Variants in GABRG3 observed in about 807,000 individuals in gnomAD.
GABRG3 encodes gamma-aminobutyric acid type A receptor subunit gamma3, also known as gamma-aminobutyric acid receptor subunit gamma-3.
In GABRG3, 25 loss-of-function variants were observed where a neutral mutation model predicts 48.8. The observed-to-expected ratio is 0.51, with a 90% CI of 0.37 to 0.72. GABRG3 has a LOEUF of 0.72. Among genes scored for constraint, GABRG3 ranks in the 30% least tolerant of loss-of-function variants. The probability of loss-of-function intolerance (pLI) is 0.00; values close to 1 mark genes in which losing one functional copy is unlikely to be tolerated. For missense variants in GABRG3, 394 were observed against 577.9 expected, an observed-to-expected ratio of 0.68 and a Z score of 3.26; for synonymous variants, 227 against 217.6, an observed-to-expected ratio of 1.04 and a Z score of -0.38.
At chr15:27,168,110 C>G (rs1887440125) in intron 3 of GABRG3, among the ~76,000 whole-genome samples, 1 of 151,430 alleles carries the variant, frequency 6.6e-6, no homozygotes, top group South Asian at 2.1e-4. Context: ...TGAGTGATCT[C>G]TGAGACCTTT....
intron 5 of GABRG3, among the ~76,000 whole-genome samples, chr15:27,368,484 T>C (rs999820361): frequency 2.6e-5 from 4 of 152,218 alleles, no homozygotes; most frequent in Non-Finnish European, 5.9e-5. Flanking sequence ...TTGCATAGCA[T>C]GAATAATTAT....
chr15:27,038,076 G>A (rs1464760130), intron 3 of GABRG3, among the ~76,000 whole-genome samples: 3 of 152,100 alleles, frequency 2.0e-5, no homozygotes, highest in Admixed American at 6.5e-5. Context: ...TCGGGTCCTG[G>A]TCCATGCTCC....
rs949427996 is a variant in GABRG3 at position 27,059,715 on chromosome 15, G to T, written c.270+32894G>T. On this transcript the variant is annotated intron_variant, in intron 3 of 9. Coordinates refer to ENST00000615808, the MANE Select transcript of GABRG3 (RefSeq NM_033223.5). ...AAGGCGAGTGATGCAGAGTGAAAGG[G>T]TTTCCTGCCATGGGCATAGGTCTGG... Among the ~76,000 whole-genome samples, 15 of 152,332 alleles carry T rather than the reference G, an allele frequency of 9.8e-5. No individual in the cohort carries two copies. The South Asian group carries it at 2.7e-3, about 27-fold the overall frequency.
At chr15:27,310,501 T>A (rs1892959792) in intron 3 of GABRG3, among the ~76,000 whole-genome samples, 1 of 152,130 alleles carries the variant, frequency 6.6e-6, no homozygotes, top group Admixed American at 6.6e-5. Flanking sequence ...TCAGCATATC[T>A]ACATTTATGG....
At chr15:27,293,901 A>C (rs1018046825) in intron 3 of GABRG3, among the ~76,000 whole-genome samples, 1 of 152,192 alleles carries the variant, frequency 6.6e-6, no homozygotes, top group Non-Finnish European at 1.5e-5. Context: ...TACATTCTCA[A>C]GGGAAATCAT....
chr15:27,286,695 G>C (rs1034649430), intron 3 of GABRG3, among the ~76,000 whole-genome samples: 2 of 152,154 alleles, frequency 1.3e-5, no homozygotes, highest in Admixed American at 6.5e-5. Flanking sequence ...TTTTAGAAAA[G>C]AAGTTTTGAA....
At chr15:27,226,666 C>T (rs570503127) in intron 3 of GABRG3, among the ~76,000 whole-genome samples, 1 of 152,366 alleles carries the variant, frequency 6.6e-6, no homozygotes, top group South Asian at 2.1e-4. Flanking sequence ...CAGTTGGCTG[C>T]CATTTTCAGC....
chr15:27,031,063 G>GACACACACACAC (rs72485766), intron 3 of GABRG3, among the ~76,000 whole-genome samples: 16 of 149,888 alleles, frequency 1.1e-4, no homozygotes, highest in East Asian at 9.8e-4. Flanking sequence ...CACACACACA[G>GACACACACACAC]ACACACACAC....
At chr15:27,382,466 C>T (rs1210534824) in intron 5 of GABRG3, among the ~76,000 whole-genome samples, 1 of 152,160 alleles carries the variant, frequency 6.6e-6, no homozygotes, top group Non-Finnish European at 1.5e-5. Context: ...GCAGAAAATA[C>T]TCAGAAGAGT....
intron 3 of GABRG3, among the ~76,000 whole-genome samples, chr15:27,278,240 C>T (rs986806520): frequency 2.0e-5 from 3 of 151,936 alleles, no homozygotes; most frequent in African/African-American, 4.8e-5. Context: ...TTAGTAGAGA[C>T]GAGGTTTCGC....
intron 3 of GABRG3, among the ~76,000 whole-genome samples, chr15:27,225,025 C>T (rs932864073): frequency 6.6e-6 from 1 of 152,104 alleles, no homozygotes; most frequent in African/African-American, 2.4e-5. Flanking sequence ...TGGAAGCTCC[C>T]ACCTCATTCT....
chr15:27,463,756 G>A (rs994080091), intron 5 of GABRG3, among the ~76,000 whole-genome samples: 1 of 152,156 alleles, frequency 6.6e-6, no homozygotes, highest in Non-Finnish European at 1.5e-5. Flanking sequence ...TCCTTTGGGG[G>A]TGCCATGAAA....
At chr15:27,294,425 C>G (rs1300022747) in intron 3 of GABRG3, among the ~76,000 whole-genome samples, 1 of 152,058 alleles carries the variant, frequency 6.6e-6, no homozygotes, top group Non-Finnish European at 1.5e-5. Flanking sequence ...CCATGTTGCC[C>G]AGGCTGGTCT....
rs1028291664 is a variant in GABRG3, at chr15:27,538,924, C to T, written c.*6043C>T. ...TCTTAGGTATCTAAGGATACATGAG[C>T]GAGCCCACAGCACAATTATTGCAGT... is the stretch of plus-strand genomic sequence containing the variant. On this transcript the variant is annotated 3_prime_UTR_variant, in exon 10 of 10. Transcript: ENST00000615808. 4.6e-5 allele frequency: 7 copies of T among 152,154 alleles called. No homozygotes were observed. The highest frequency in any genetic ancestry group is 7.3e-5 in the Non-Finnish European group (5 of 68,036). The allele number at this position is 152,154 out of a possible 1,614,324, so 9.4% of individuals were successfully genotyped here. A position where few individuals can be genotyped will look rare whatever the true frequency, so the allele number is the denominator to read the frequency against.
Position 27,535,337 on chromosome 15 carries a change from G to T in GABRG3, c.*2456G>T, listed in dbSNP as rs1052186794. 7 of 152,186 alleles carry T rather than the reference G, an allele frequency of 4.6e-5. No individual in the cohort carries two copies. Among genetic ancestry groups the T allele is most frequent in the Non-Finnish European group, 7.4e-5 (5 of 68,024 alleles). The allele number at this position is 152,186 out of a possible 1,614,324, so 9.4% of individuals were successfully genotyped here. ...GGATTTGTTTGATTTTACCTTAAAA[G>T]AATTTTACTGATGCCTTGTGTTTCA... On this transcript the variant is annotated 3_prime_UTR_variant, in exon 10 of 10. Transcript: ENST00000615808.
chr15:27,057,372 G>A (rs371024301), intron 3 of GABRG3, among the ~76,000 whole-genome samples: 141 of 152,342 alleles, frequency 9.3e-4, no homozygotes, highest in African/African-American at 3.0e-3. Flanking sequence ...TCTGAAACCA[G>A]CTTACAGGAA....
intron 2 of GABRG3, among the ~76,000 whole-genome samples, chr15:27,003,201 ATATTTATTTATT>A (rs199745733): frequency 0.055 from 7,591 of 139,160 alleles, 268 homozygotes; most frequent in East Asian, 0.18. Flanking sequence ...TTTTTATTTT[ATATTTATTTATT>A]TATTTATTTA....
intron 3 of GABRG3, among the ~76,000 whole-genome samples, chr15:27,261,997 C>A (rs1289575433): frequency 6.6e-6 from 1 of 152,200 alleles, no homozygotes; most frequent in Admixed American, 6.5e-5. Flanking sequence ...TCCCTCTCTT[C>A]CAACGAATCC....
chr15:27,403,217 A>T (rs958738452), intron 5 of GABRG3, among the ~76,000 whole-genome samples: 2 of 152,164 alleles, frequency 1.3e-5, no homozygotes, highest in Non-Finnish European at 2.9e-5. Flanking sequence ...GACCAAAAAA[A>T]AATGTTGAAA....
Sources: allele counts gnomAD v4.1 joint callset (sites outside exome capture counted in the v4.1 genomes callset), GRCh38; gene constraint gnomAD v4.1.1; transcripts MANE v1.5; gene names NCBI Gene and HGNC (gene_info 2026-07-23, HGNC 2026-07-21).